The following VGLL2 variants were observed in gnomAD, a reference collection of about 807,000 sequenced individuals.
VGLL2 encodes vestigial like family member 2, also known as transcription cofactor vestigial-like protein 2.
VGLL2 carries 18 observed loss-of-function variants against 27.0 expected under a neutral mutation model. The ratio of observed to expected loss-of-function variants is 0.67; its 90% CI spans 0.46 to 0.99. The LOEUF (loss-of-function observed/expected upper bound fraction) is 0.99, where lower values mean the gene tolerates loss of function less well. Ranked by LOEUF, VGLL2 falls within the 50% of genes least tolerant of loss-of-function variation. The probability of loss-of-function intolerance (pLI) is 0.00; values close to 1 mark genes in which losing one functional copy is unlikely to be tolerated. For missense variants in VGLL2, 491 were observed against 452.3 expected (o/e 1.09, Z -0.78); for synonymous variants, 220 against 201.1 (o/e 1.09, Z -0.80).
intron 2 of VGLL2, 133 bp downstream of exon 2, chr6:117,268,624 A>G: frequency 9.6e-7 from 1 of 1,039,130 alleles, no homozygotes; most frequent in Non-Finnish European, 1.4e-6. Context: ...AGCATTTGGA[A>G]AGGGTAAGGA....
Position 117,270,999 on chromosome 6 carries a change from C to T in VGLL2, c.848C>T (p.Pro283Leu). 2 of 1,232,138 alleles carry T rather than the reference C, an allele frequency of 1.6e-6. No homozygotes were observed. The highest frequency in any genetic ancestry group is 1.6e-5 in the African/African-American group (1 of 64,002). 76.3% of individuals were successfully genotyped at this position (1,232,138 alleles called of 1,614,324 possible). Residue 283 changes from proline (P) to leucine (L), a missense_variant, in exon 3 of 4, where the codon CCC becomes CTC. By Grantham distance (98) the Pro-to-Leu change is moderately conservative (BLOSUM62 -3). Transcript: ENST00000326274. ...GEPAGAAWAGPGGPFASPSGD... is the reference protein window; with the variant it reads ...GEPAGAAWAGLGGPFASPSGD... Reference sequence around the variant, plus strand: ...CCGGCGGGCGCCGCGTGGGCCGGGCCCGGGGGACCCTTCGCGAGCCCCTCG... The same window carrying T: ...CCGGCGGGCGCCGCGTGGGCCGGGCTCGGGGGACCCTTCGCGAGCCCCTCG...
chr6:117,271,134 G>A, intron 3 of VGLL2, 70 bp downstream of exon 3: 1 of 1,169,948 alleles, frequency 8.5e-7, no homozygotes, highest in Non-Finnish European at 1.1e-6. Flanking sequence ...GCTGTGCCTA[G>A]ACCCCTTAAT....
intron 1 of VGLL2, among the ~76,000 whole-genome samples, chr6:117,267,520 T>G (rs1562230420): frequency 6.6e-6 from 1 of 152,174 alleles, no homozygotes; most frequent in South Asian, 2.1e-4. Flanking sequence ...AAAATCAACT[T>G]GCATTTATTA....
In VGLL2 at chr6:117,265,977, G is replaced by C. The variant is rs1268514883; in HGVS notation, c.81+133G>C. On this transcript the variant is annotated intron_variant, in intron 1 of 3. Coordinates refer to ENST00000326274, the MANE Select transcript of VGLL2 (RefSeq NM_182645.3). ...ACCACGACCGGCGCAGCCGGGATGC[G>C]GGGATTGCCGGAGCCGCCCCCAGTT... 8 of 792,594 alleles carry C rather than the reference G, an allele frequency of 1.0e-5. No homozygotes were observed. In the Admixed American group the frequency reaches 1.1e-4, roughly 11 times the overall value. The allele number at this position is 792,594 out of a possible 1,614,324, so 49.1% of individuals were successfully genotyped here. A position where few individuals can be genotyped will look rare whatever the true frequency, so the allele number is the denominator to read the frequency against.
In VGLL2 at chr6:117,270,903, C is replaced by A; in HGVS notation, c.752C>A (p.Pro251Gln). The stretch of plus-strand genomic sequence containing the variant: ...CTGATGCCAGCCGCCTCGGGGCGCC[C>A]GGCCCGCCTCGCAACCGCCCCGGCG... Reference protein sequence around the residue: ...PLLMPAASGRPARLATAPAPA... With the variant: ...PLLMPAASGRQARLATAPAPA... Residue 251 changes from proline (P) to glutamine (Q), a missense_variant, in exon 3 of 4, where the codon CCG becomes CAG. By Grantham distance (76) the Pro-to-Gln change is moderately conservative (BLOSUM62 -1). Coordinates refer to ENST00000326274, the MANE Select transcript of VGLL2 (RefSeq NM_182645.3). 7.9e-7 allele frequency: 1 copy of A among 1,262,668 alleles called. No homozygotes were observed. The highest frequency in any genetic ancestry group is 9.9e-7 in the Non-Finnish European group (1 of 1,008,848). 78.2% of individuals were successfully genotyped at this position (1,262,668 alleles called of 1,614,324 possible).
rs921294224 is a variant in VGLL2 at position 117,268,325 on chromosome 6, A to G, written c.225A>G (p.Pro75=). The change falls in exon 2 of 4, where the codon CCA becomes CCG. Residue 75 remains proline, a synonymous_variant. Coordinates refer to ENST00000326274, the MANE Select transcript of VGLL2 (RefSeq NM_182645.3). ...EEEGSPEKER[P]PEAEYINSRC... The stretch of plus-strand genomic sequence containing the variant: ...AAGGCAGCCCAGAGAAAGAGCGCCC[A>G]CCAGAGGCAGAGTACATCAACTCCC... 6.2e-7 allele frequency: 1 copy of G among 1,614,004 alleles called. No individual in the cohort carries two copies. Among genetic ancestry groups the G allele is most frequent in the African/African-American group, 1.3e-5 (1 of 74,900 alleles).
At chr6:117,270,007 T>G (rs944288695) in intron 2 of VGLL2, among the ~76,000 whole-genome samples, 1 of 152,074 alleles carries the variant, frequency 6.6e-6, no homozygotes, top group Non-Finnish European at 1.5e-5. Flanking sequence ...TTTCAGTCTG[T>G]CAGAGACGTT....
At chr6:117,270,063 A>G (rs1773148623) in intron 2 of VGLL2, among the ~76,000 whole-genome samples, 2 of 152,088 alleles carry the variant, frequency 1.3e-5, no homozygotes, top group Non-Finnish European at 2.9e-5. Context: ...CTGAAACGCG[A>G]GAGGGGGTAG....
chr6:117,268,560 C>T (rs1283333856), intron 2 of VGLL2, 69 bp downstream of exon 2: 2 of 1,428,234 alleles, frequency 1.4e-6, no homozygotes, highest in Admixed American at 5.5e-5. Context: ...CCTACAGGAG[C>T]CTAAAAACAT....
chr6:117,270,692 G>A lies in VGLL2; in HGVS notation c.541G>A (p.Ala181Thr). ...CGCCGCCGACCCCTACTCGCCCGCCGCGCTGCATGGCCACCTGCACCAGGG... is the reference window on the plus strand; with the variant it reads ...CGCCGCCGACCCCTACTCGCCCGCCACGCTGCATGGCCACCTGCACCAGGG... ...FAAADPYSPA[A>T]LHGHLHQGAT... The change falls in exon 3 of 4, where the codon GCG (alanine) becomes ACG (threonine). Residue 181 changes from alanine to threonine, a missense_variant. Transcript: ENST00000326274. 2 of 1,538,458 alleles carry A rather than the reference G, an allele frequency of 1.3e-6. No homozygotes were observed. The highest frequency in any genetic ancestry group is 1.2e-5 in the South Asian group (1 of 84,554).
chr6:117,266,657 C>G (rs1773074207), intron 1 of VGLL2, among the ~76,000 whole-genome samples: 3 of 152,142 alleles, frequency 2.0e-5, no homozygotes, highest in African/African-American at 7.2e-5. Flanking sequence ...CTTCCATTTC[C>G]TCAGCTGAGG....
intron 2 of VGLL2, among the ~76,000 whole-genome samples, chr6:117,270,114 C>A (rs1361321900): frequency 1.3e-5 from 2 of 151,970 alleles, no homozygotes; most frequent in Admixed American, 6.6e-5. Flanking sequence ...GAAGAGGTAT[C>A]GTTAGCTTGG....
At chr6:117,266,950 C>T (rs1773079658) in intron 1 of VGLL2, among the ~76,000 whole-genome samples, 1 of 152,140 alleles carries the variant, frequency 6.6e-6, no homozygotes, top group South Asian at 2.1e-4. Flanking sequence ...GTTTGTTTTG[C>T]CTCAGTGTTA....
intron 1 of VGLL2, among the ~76,000 whole-genome samples, chr6:117,266,320 G>C (rs1359371617): frequency 6.6e-6 from 1 of 152,180 alleles, no homozygotes; most frequent in African/African-American, 2.4e-5. Flanking sequence ...TTTATCTCAG[G>C]AATAATTTCT....
In VGLL2 at chr6:117,270,953, G is replaced by C. The variant is rs1773182097; in HGVS notation, c.802G>C (p.Glu268Gln). Residue 268 changes from glutamate to glutamine, a missense_variant, in exon 3 of 4, where the codon GAG (glutamate) becomes CAG (glutamine). By Grantham distance (29) the Glu-to-Gln change is conservative. Transcript: ENST00000326274. ...GCCCGCGCCCGGCAGTCCTCCCTGC[G>C]AGCTCTCCGGCAAAGGCGAGCCGGC... ...PAPAPGSPPC[E>Q]LSGKGEPAGA... is the part of the protein sequence containing the mutation. 8.1e-7 allele frequency: 1 copy of C among 1,237,714 alleles called. No homozygotes were observed. Among genetic ancestry groups the C allele is most frequent in the Non-Finnish European group, 1.0e-6 (1 of 995,420 alleles). 76.7% of individuals were successfully genotyped at this position (1,237,714 alleles called of 1,614,324 possible). A position where few individuals can be genotyped will look rare whatever the true frequency, so the allele number is the denominator to read the frequency against.
At chr6:117,271,169 T>A in intron 3 of VGLL2, 105 bp downstream of exon 3, 2 of 1,022,544 alleles carry the variant, frequency 2.0e-6, no homozygotes, top group Non-Finnish European at 2.5e-6. Flanking sequence ...TTGAATTCTG[T>A]GGCCCAAGGA....
In VGLL2 at chr6:117,265,619, T is replaced by C. The variant is rs1479563778; in HGVS notation, c.-145T>C. The C allele has an allele frequency of 1.4e-6, 1 of 694,278 alleles. No individual in the cohort carries two copies. The highest frequency in any genetic ancestry group is 2.5e-6 in the Non-Finnish European group (1 of 393,216). The allele number at this position is 694,278 out of a possible 1,614,324, so 43.0% of individuals were successfully genotyped here. On this transcript the variant is annotated 5_prime_UTR_variant, in exon 1 of 4. Transcript: ENST00000326274. The stretch of plus-strand genomic sequence containing the variant: ...AGGAGTGGGAGGGTAGCGAGCCAGC[T>C]GGATTCCGAGCCGCGGAGCGCGCTG...
chr6:117,265,953 C>T (rs2128516282), intron 1 of VGLL2, 109 bp downstream of exon 1: 2 of 1,025,796 alleles, frequency 1.9e-6, no homozygotes, highest in East Asian at 2.6e-5. Context: ...GGGCGTCCGA[C>T]CACGACCGGC....
In VGLL2 at chr6:117,271,312, AATAATAATAATG is replaced by A. The variant is rs1234674177; in HGVS notation, c.913+260_913+271del. 2.3e-4 allele frequency among the ~76,000 whole-genome samples: 32 copies of A among 140,924 alleles called. No individual in the cohort carries two copies. The South Asian group carries it at 4.5e-3, about 20-fold the overall frequency. 92.5% of individuals were successfully genotyped at this position (140,924 alleles called of 152,430 possible). On this transcript the variant is annotated intron_variant, in intron 3 of 3. Transcript: ENST00000326274. ...GGACTTTTAAAATAATAATAATAAT[AATAATAATAATG>A]ATAATAATAATAATAATAATAATAA...
Sources: gnomAD v4.1 joint callset for allele counts (sites outside exome capture counted in the v4.1 genomes callset) on GRCh38, gnomAD v4.1.1 for gene constraint, MANE v1.5 for transcripts, NCBI Gene and HGNC (gene_info 2026-07-23, HGNC 2026-07-21) for gene names.